PRKCA: variants seen among roughly 807,000 people sequenced by gnomAD.
The protein encoded by PRKCA is protein kinase C alpha.
PRKCA carries 27 observed loss-of-function variants against 87.0 expected under a neutral mutation model. The ratio of observed to expected loss-of-function variants is 0.31; its 90% CI spans 0.23 to 0.43. The LOEUF (loss-of-function observed/expected upper bound fraction) is 0.43. Ranked by LOEUF, PRKCA falls within the 20% of genes least tolerant of loss-of-function variation. The pLI is 1.00. For synonymous variants in PRKCA, 329 were observed against 311.1 expected (o/e 1.06, Z -0.61); for missense variants, 518 against 852.3 (o/e 0.61, Z 4.88).
At chr17:66,477,262 T>G (rs147329447) in intron 2 of PRKCA, among the ~76,000 whole-genome samples, 14 of 152,130 alleles carry the variant, frequency 9.2e-5, no homozygotes, top group Non-Finnish European at 2.1e-4. Context: ...TTAAGAAAAA[T>G]TATTTAAAAT....
chr17:66,469,345 G>A (rs1350015327), intron 2 of PRKCA, among the ~76,000 whole-genome samples: 1 of 152,120 alleles, frequency 6.6e-6, no homozygotes, highest in African/African-American at 2.4e-5. Context: ...AAATATGAGG[G>A]GTGCTGTGTT....
intron 2 of PRKCA, among the ~76,000 whole-genome samples, chr17:66,406,585 G>GTTTTTTTTTTTTGT (rs1911401793): frequency 1.4e-5 from 1 of 70,180 alleles, no homozygotes; most frequent in Non-Finnish European, 2.7e-5. Flanking sequence ...GCTTTTCCAG[G>GTTTTTTTTTTTTGT]TTTTTTTTTT....
At chr17:66,723,824 G>A (rs2144169907) in intron 8 of PRKCA, among the ~76,000 whole-genome samples, 1 of 152,292 alleles carries the variant, frequency 6.6e-6, no homozygotes, top group Non-Finnish European at 1.5e-5. Flanking sequence ...CAGAGAGGCA[G>A]TGTCATTTGT....
At chr17:66,778,665 A>C (rs958899844) in intron 14 of PRKCA, among the ~76,000 whole-genome samples, 1 of 151,936 alleles carries the variant, frequency 6.6e-6, no homozygotes, top group Non-Finnish European at 1.5e-5. Flanking sequence ...CAACATGACA[A>C]AATCCCGTCT....
intron 2 of PRKCA, among the ~76,000 whole-genome samples, chr17:66,459,558 A>G (rs1914746001): frequency 4.6e-5 from 7 of 152,210 alleles, no homozygotes; most frequent in Admixed American, 4.6e-4. Context: ...CTTCTGGTGG[A>G]ACACCTTGCT....
At chr17:66,557,936 A>G (rs1194314796) in intron 3 of PRKCA, among the ~76,000 whole-genome samples, 1 of 152,192 alleles carries the variant, frequency 6.6e-6, no homozygotes, top group Non-Finnish European at 1.5e-5. Flanking sequence ...CTGCACAGGC[A>G]GAGGACACCA....
At chr17:66,346,387 A>G (rs552242333) in intron 2 of PRKCA, among the ~76,000 whole-genome samples, 60 of 150,428 alleles carry the variant, frequency 4.0e-4, no homozygotes, top group South Asian at 2.1e-3. Context: ...CTGAGCCACC[A>G]CGCCCTGCTG....
chr17:66,561,098 T>A (rs1968666594), intron 3 of PRKCA, among the ~76,000 whole-genome samples: 1 of 152,176 alleles, frequency 6.6e-6, no homozygotes, highest in Admixed American at 6.5e-5. Context: ...GCTACAGTTT[T>A]CCACAAAACA....
intron 2 of PRKCA, among the ~76,000 whole-genome samples, chr17:66,488,883 A>G (rs1025473399): frequency 1.1e-4 from 17 of 152,220 alleles, no homozygotes; most frequent in Non-Finnish European, 2.4e-4. Flanking sequence ...TTTCATTGTT[A>G]CAAATCTGAA....
intron 14 of PRKCA, among the ~76,000 whole-genome samples, chr17:66,783,566 T>G (rs1219921914): frequency 6.6e-6 from 1 of 152,214 alleles, no homozygotes; most frequent in Non-Finnish European, 1.5e-5. Flanking sequence ...CTGGTTCCCA[T>G]GCCAGGAGAC....
chr17:66,804,656 C>G lies in PRKCA; in HGVS notation c.*619C>G, dbSNP rs931851187. On this transcript the variant is annotated 3_prime_UTR_variant, in exon 17 of 17. Transcript: ENST00000413366. ...ATGGTCCAGCAGTTACCAGTTTAAA[C>G]AAAAAAACCTCAGATGAGTGTTGGG... is the stretch of plus-strand genomic sequence containing the variant. 3 of 152,470 alleles carry G rather than the reference C, an allele frequency of 2.0e-5. No homozygotes were observed. The highest frequency in any genetic ancestry group is 2.9e-5 in the Non-Finnish European group (2 of 68,084). The allele number at this position is 152,470 out of a possible 1,614,324, so 9.4% of individuals were successfully genotyped here.
At chr17:66,459,777 C>T (rs1364566972) in intron 2 of PRKCA, among the ~76,000 whole-genome samples, 5 of 152,156 alleles carry the variant, frequency 3.3e-5, no homozygotes, top group Middle Eastern at 3.2e-3. Context: ...TGCTCTTTTT[C>T]GTTCAGTGCG....
chr17:66,621,558 G>T (rs1358719866), intron 3 of PRKCA, among the ~76,000 whole-genome samples: 1 of 152,102 alleles, frequency 6.6e-6, no homozygotes. Context: ...ATCTTCATTA[G>T]AACCAGATTT....
intron 3 of PRKCA, among the ~76,000 whole-genome samples, chr17:66,541,477 A>G (rs1011742104): frequency 6.6e-6 from 1 of 152,132 alleles, no homozygotes; most frequent in Admixed American, 6.5e-5. Flanking sequence ...ATTGAAAGCT[A>G]CTCTGCTGGT....
intron 2 of PRKCA, among the ~76,000 whole-genome samples, chr17:66,340,366 CTTTTTTTTTTTTTCT>C (rs1174389137): frequency 1.1e-4 from 14 of 124,200 alleles, no homozygotes; most frequent in Non-Finnish European, 1.5e-4. Context: ...TGTTTGGTTT[CTTTTTTTTTTTTTCT>C]TTTTTTTTTT....
rs1336912480 is a variant in PRKCA at position 66,596,736 on chromosome 17, C to T, written c.289-44619C>T. 5.9e-5 allele frequency among the ~76,000 whole-genome samples: 5 copies of T among 84,264 alleles called. No individual in the cohort carries two copies. The East Asian group carries it at 1.4e-3, about 24-fold the overall frequency. The allele number at this position is 84,264 out of a possible 152,430, so 55.3% of individuals were successfully genotyped here. Reference sequence around the variant, plus strand: ...CCAATGCTATCCCTCCCCCCTCCCCCGACCCCACCACAGTCCCCAGAGTGT... The same window carrying T: ...CCAATGCTATCCCTCCCCCCTCCCCTGACCCCACCACAGTCCCCAGAGTGT... On this transcript the variant is annotated intron_variant, in intron 3 of 16. Transcript: ENST00000413366.
intron 2 of PRKCA, among the ~76,000 whole-genome samples, chr17:66,312,732 CTTTT>C (rs536411779): frequency 9.4e-6 from 1 of 106,346 alleles, no homozygotes. Flanking sequence ...ATCGTAGGAC[CTTTT>C]TTTTTTTTTT....
chr17:66,442,980 G>C (rs7211932), intron 2 of PRKCA, among the ~76,000 whole-genome samples: 21,733 of 152,162 alleles, frequency 0.14, 2,905 homozygotes, highest in African/African-American at 0.35. Flanking sequence ...GGTGACTCTG[G>C]CAGGAGCCCT....
Position 66,378,888 on chromosome 17 carries a change from G to C in PRKCA, c.205+72761G>C, listed in dbSNP as rs142943566. Among the ~76,000 whole-genome samples the C allele has an allele frequency of 2.8e-5, 4 of 142,702 alleles. No individual in the cohort carries two copies. In the East Asian group the frequency reaches 6.3e-4, roughly 22 times the overall value. 93.6% of individuals were successfully genotyped at this position (142,702 alleles called of 152,430 possible). A position where few individuals can be genotyped will look rare whatever the true frequency, so the allele number is the denominator to read the frequency against. On this transcript the variant is annotated intron_variant, in intron 2 of 16. Transcript: ENST00000413366. The stretch of plus-strand genomic sequence containing the variant: ...TACACTCCAACCTAAGCGACAGAGC[G>C]AGACTCCATCTCAAAAAAAAAAAAA...
Sources: gnomAD v4.1 joint callset for allele counts (sites outside exome capture counted in the v4.1 genomes callset) on GRCh38, gnomAD v4.1.1 for gene constraint, MANE v1.5 for transcripts, NCBI Gene and HGNC (gene_info 2026-07-23, HGNC 2026-07-21) for gene names.